PLD5: variants seen among roughly 807,000 people sequenced by gnomAD.
The protein encoded by PLD5 is phospholipase D family member 5, also known as inactive phospholipase D5.
A neutral mutation model predicts 61.1 loss-of-function variants in PLD5; 36 were observed. The observed-to-expected ratio is 0.59, with a 90% CI of 0.45 to 0.78. The LOEUF is 0.78. Among genes scored for constraint, PLD5 ranks in the 30% least tolerant of loss-of-function variants. The pLI, the probability that PLD5 is intolerant of heterozygous loss-of-function variation, is 0.00. For synonymous variants in PLD5, 243 were observed against 242.8 expected, an observed-to-expected ratio of 1.00 and a Z score of -0.01; for missense variants, 515 against 644.4, an observed-to-expected ratio of 0.80 and a Z score of 2.17.
intron 3 of PLD5, among the ~76,000 whole-genome samples, chr1:242,270,851 C>T (rs559861364): frequency 1.6e-4 from 24 of 152,274 alleles, no homozygotes; most frequent in Non-Finnish European, 3.4e-4. Flanking sequence ...CCAGTCTTTA[C>T]CTTCCTTCAC....
chr1:242,478,049 C>T (rs183863953), intron 1 of PLD5, among the ~76,000 whole-genome samples: 3 of 152,338 alleles, frequency 2.0e-5, no homozygotes, highest in Non-Finnish European at 4.4e-5. Context: ...TGTGAAAGCT[C>T]TCCTTCAGAA....
chr1:242,401,331 T>C (rs1328517658), intron 1 of PLD5, among the ~76,000 whole-genome samples: 2 of 152,056 alleles, frequency 1.3e-5, no homozygotes, highest in Non-Finnish European at 2.9e-5. Flanking sequence ...TGCAACAGCC[T>C]TCTGTGTCCA....
chr1:242,119,619 C>G (rs1662216121), intron 6 of PLD5, among the ~76,000 whole-genome samples: 1 of 151,912 alleles, frequency 6.6e-6, no homozygotes, highest in Non-Finnish European at 1.5e-5. Flanking sequence ...TAAATCAAAA[C>G]AAAAATAAGA....
intron 2 of PLD5, among the ~76,000 whole-genome samples, chr1:242,332,565 A>G (rs1207735076): frequency 6.6e-6 from 1 of 152,114 alleles, no homozygotes; most frequent in Non-Finnish European, 1.5e-5. Flanking sequence ...TGACTTTTTA[A>G]TGCTCACCAT....
chr1:242,380,940 A>G (rs1401392629), intron 1 of PLD5, among the ~76,000 whole-genome samples: 1 of 152,230 alleles, frequency 6.6e-6, no homozygotes. Context: ...ACACTTTTAC[A>G]CTGTTGATGG....
intron 9 of PLD5, 38 bp from the exon 10 acceptor site, chr1:242,090,148 G>A: frequency 3.1e-6 from 5 of 1,609,998 alleles, no homozygotes; most frequent in Non-Finnish European, 4.2e-6. Flanking sequence ...AGGAGTTAGA[G>A]TCCACTGGGA....
chr1:242,138,649 T>G (rs547568607), intron 5 of PLD5, among the ~76,000 whole-genome samples: 1 of 152,330 alleles, frequency 6.6e-6, no homozygotes, highest in Non-Finnish European at 1.5e-5. Flanking sequence ...TGATCCAGCA[T>G]GCAAATTATA....
chr1:242,173,082 G>C (rs1357004802), intron 5 of PLD5, among the ~76,000 whole-genome samples: 1 of 151,990 alleles, frequency 6.6e-6, no homozygotes, highest in Non-Finnish European at 1.5e-5. Context: ...AGAAATAAAG[G>C]GTATTCAATT....
upstream of PLD5, among the ~76,000 whole-genome samples, chr1:242,528,873 A>G (rs1421475886): frequency 6.6e-6 from 1 of 152,246 alleles, no homozygotes; most frequent in East Asian, 1.9e-4. Flanking sequence ...TGTATTTTTC[A>G]CAGGTGTAGT....
intron 1 of PLD5, among the ~76,000 whole-genome samples, chr1:242,449,994 G>A (rs561220999): frequency 2.6e-5 from 4 of 152,202 alleles, no homozygotes; most frequent in Admixed American, 2.0e-4. Flanking sequence ...CATCAAGGCA[G>A]TGTAAGGTGC....
In PLD5 at chr1:242,258,048, A is replaced by G. The variant is rs1014942487; in HGVS notation, c.607+7289T>C. On this transcript the variant is annotated intron_variant, in intron 4 of 9. Transcript: ENST00000536534. ...ATGATTTCTGATATCTTTCTTGTCT[A>G]TCCCAGGAGACTGTCTCTTCTCCAG... Among the ~76,000 whole-genome samples, 28 of 152,208 alleles carry G rather than the reference A, an allele frequency of 1.8e-4. 1 individual carries two copies. Among genetic ancestry groups the G allele is most frequent in the Non-Finnish European group, 1.0e-4 (7 of 68,044 alleles).
chr1:242,195,194 C>T (rs1038728780), intron 5 of PLD5, among the ~76,000 whole-genome samples: 6 of 152,106 alleles, frequency 3.9e-5, no homozygotes, highest in South Asian at 2.1e-4. Flanking sequence ...AGAAGCGAGC[C>T]GCCGTCACCT....
intron 5 of PLD5, among the ~76,000 whole-genome samples, chr1:242,139,352 A>G (rs1262870079): frequency 1.3e-5 from 2 of 152,070 alleles, no homozygotes; most frequent in East Asian, 3.9e-4. Context: ...TCAGAAAATA[A>G]ATTTCTCCTC....
At chr1:242,464,316 C>T (rs892267270) in intron 1 of PLD5, among the ~76,000 whole-genome samples, 10 of 152,116 alleles carry the variant, frequency 6.6e-5, no homozygotes, top group Non-Finnish European at 1.5e-5. Flanking sequence ...TTTATCTTTC[C>T]AATGTCTACT....
Position 242,180,607 on chromosome 1 carries a change from G to A in PLD5, c.735+39381C>T, listed in dbSNP as rs919845047. 1.1e-3 allele frequency among the ~76,000 whole-genome samples: 160 copies of A among 152,150 alleles called. 1 individual carries two copies. The highest frequency in any genetic ancestry group is 3.6e-3 in the African/African-American group (150 of 41,432). On this transcript the variant is annotated intron_variant, in intron 5 of 9. Coordinates refer to ENST00000536534, the MANE Select transcript of PLD5 (RefSeq NM_001372062.1). ...GGTTCTCAAACTTGAATGTCCATAG[G>A]AATCACCTGGACGGCTTGTTAGAAC...
rs532393847 is a variant in PLD5 at position 242,524,492 on chromosome 1, C to A, written c.-216G>T. On this transcript the variant is annotated 5_prime_UTR_variant, in exon 1 of 10. Transcript: ENST00000536534. ...CGGGAGGGGGCGATCGCGGGAGGCG[C>A]GGGGCGGAAGGAGGGAGGGCGAGGT... 7,417 of 100,802 alleles carry A rather than the reference C, an allele frequency of 0.074. 652 individuals carry two copies. The highest frequency in any genetic ancestry group is 0.24 in the African/African-American group (6,852 of 28,216). The allele number at this position is 100,802 out of a possible 1,614,324, so 6.2% of individuals were successfully genotyped here.
intron 1 of PLD5, among the ~76,000 whole-genome samples, chr1:242,370,642 T>A (rs1487054640): frequency 6.6e-6 from 1 of 152,192 alleles, no homozygotes; most frequent in African/African-American, 2.4e-5. Flanking sequence ...GGATTCCCTC[T>A]GTACTCACTA....
chr1:242,506,651 G>C (rs937596886), intron 1 of PLD5, among the ~76,000 whole-genome samples: 4 of 152,134 alleles, frequency 2.6e-5, no homozygotes, highest in Admixed American at 2.6e-4. Flanking sequence ...AAAGGAATAG[G>C]CCCTAGGAAA....
At chr1:242,483,995 T>A (rs1260004659) in intron 1 of PLD5, among the ~76,000 whole-genome samples, 1 of 152,086 alleles carries the variant, frequency 6.6e-6, no homozygotes, top group Non-Finnish European at 1.5e-5. Flanking sequence ...GAAATAAAGA[T>A]GTTCTTTGAA....
Sources: gnomAD v4.1 joint callset for allele counts (sites outside exome capture counted in the v4.1 genomes callset) on GRCh38, gnomAD v4.1.1 for gene constraint, MANE v1.5 for transcripts, NCBI Gene and HGNC (gene_info 2026-07-23, HGNC 2026-07-21) for gene names.